Variants in C11orf65 observed in about 807,000 individuals in gnomAD.
C11orf65 encodes the protein protein MFI.
A neutral mutation model predicts 35.3 loss-of-function variants in C11orf65; 38 were observed. The ratio of observed to expected loss-of-function variants is 1.08; its 90% CI spans 0.83 to 1.41. The LOEUF is 1.41. Among genes scored for constraint, C11orf65 ranks in the 40% most tolerant of loss-of-function variants. The pLI is 0.00. For missense variants in C11orf65, 370 were observed against 367.1 expected (o/e 1.01, Z -0.06); for synonymous variants, 105 against 114.4 (o/e 0.92, Z 0.53).
intron 2 of C11orf65, among the ~76,000 whole-genome samples, chr11:108,448,104 T>A (rs1336045012): frequency 6.6e-6 from 1 of 152,182 alleles, no homozygotes; most frequent in Admixed American, 6.5e-5. Flanking sequence ...AATCTCTGAA[T>A]AGACCAATAA....
intron 1 of C11orf65, among the ~76,000 whole-genome samples, chr11:108,461,935 AT>A (rs146989132): frequency 0.012 from 1,888 of 152,236 alleles, 49 homozygotes; most frequent in African/African-American, 0.042. Flanking sequence ...ATTATTTTAT[AT>A]GCTCTATTAT....
intron 2 of C11orf65, among the ~76,000 whole-genome samples, chr11:108,377,194 C>G (rs2091752740): frequency 6.6e-6 from 1 of 151,890 alleles, no homozygotes; most frequent in Non-Finnish European, 1.5e-5. Flanking sequence ...GAATGTTAGA[C>G]CAATATCCTT....
intron 6 of C11orf65, among the ~76,000 whole-genome samples, chr11:108,400,009 TGCTGTTGGGACTGCTGG>T (rs1327529880): frequency 6.6e-6 from 1 of 152,242 alleles, no homozygotes; most frequent in East Asian, 1.9e-4. Flanking sequence ...ACATTTCTAA[TGCTGTTGGGACTGCTGG>T]GCCATAAAGC....
chr11:108,330,302 G>C (rs2136457311), downstream of C11orf65: 1 of 1,614,194 alleles, frequency 6.2e-7, no homozygotes, highest in Non-Finnish European at 8.5e-7. Flanking sequence ...CTTATGTAAA[G>C]CAGTTGAAAA....
chr11:108,445,231 CCT>C (rs1241247169), intron 2 of C11orf65, among the ~76,000 whole-genome samples: 2 of 152,148 alleles, frequency 1.3e-5, no homozygotes, highest in Non-Finnish European at 2.9e-5. Context: ...CTTACATGTC[CCT>C]GTCTGACAGC....
chr11:108,308,690 A>G (rs1189778629), exon 7 of C11orf65: 9 of 287,650 alleles, frequency 3.1e-5, no homozygotes, highest in Non-Finnish European at 5.4e-5. Flanking sequence ...GGTGGTTGGT[A>G]AAGAATGAGA....
At chr11:108,419,355 A>G (rs541280220) in intron 3 of C11orf65, among the ~76,000 whole-genome samples, 2 of 152,324 alleles carry the variant, frequency 1.3e-5, no homozygotes, top group South Asian at 4.1e-4. Context: ...TTGTATCTCA[A>G]TTAAAGCAAA....
At chr11:108,322,305 G>C (rs1186903263) in intron 6 of C11orf65, among the ~76,000 whole-genome samples, 1 of 151,860 alleles carries the variant, frequency 6.6e-6, no homozygotes, top group Non-Finnish European at 1.5e-5. Context: ...TAGGTGCCCC[G>C]ACAATGCCTG....
At chr11:108,416,194 C>A (rs557657264) in intron 3 of C11orf65, among the ~76,000 whole-genome samples, 12 of 152,260 alleles carry the variant, frequency 7.9e-5, no homozygotes, top group African/African-American at 2.4e-4. Context: ...TTGCAAAACA[C>A]ATATCTGATA....
At chr11:108,363,537 A>T (rs369062486) in intron 2 of C11orf65, among the ~76,000 whole-genome samples, 1 of 152,174 alleles carries the variant, frequency 6.6e-6, no homozygotes, top group African/African-American at 2.4e-5. Flanking sequence ...TATTGTCACA[A>T]TTGGGGATGG....
Position 108,450,549 on chromosome 11 carries a change from T to A in C11orf65, c.81+10930A>T, listed in dbSNP as rs180677419. On this transcript the variant is annotated intron_variant, in intron 2 of 8. Transcript: ENST00000393084. ...ACAAAAAACCAAACACCACATGTTG[T>A]CACTCATAGGTGGGAATTGAACAAT... Among the ~76,000 whole-genome samples the A allele has an allele frequency of 4.1e-3, 574 of 141,198 alleles. 6 individuals carry two copies. Among genetic ancestry groups the A allele is most frequent in the African/African-American group, 0.015 (540 of 37,228 alleles). 92.6% of individuals were successfully genotyped at this position (141,198 alleles called of 152,430 possible).
chr11:108,359,572 AG>A (rs1161871641), intron 2 of C11orf65, among the ~76,000 whole-genome samples: 2 of 152,198 alleles, frequency 1.3e-5, no homozygotes, highest in Non-Finnish European at 2.9e-5. Context: ...CAAATGTAAA[AG>A]AACAGAGATT....
chr11:108,342,362 T>G (rs1385978128), intron 2 of C11orf65, among the ~76,000 whole-genome samples: 1 of 152,220 alleles, frequency 6.6e-6, no homozygotes, highest in Non-Finnish European at 1.5e-5. Context: ...GAGTTAAATA[T>G]GCTCACATAG....
At chr11:108,334,014 T>A (rs755374390) in intron 3 of C11orf65, 1 of 1,444,252 alleles carries the variant, frequency 6.9e-7, no homozygotes, top group Admixed American at 1.7e-5. Context: ...AAATTTTTTT[T>A]ATTAGATTGA....
At chr11:108,427,555 T>C (rs1185244708) in intron 3 of C11orf65, among the ~76,000 whole-genome samples, 2 of 147,398 alleles carry the variant, frequency 1.4e-5, no homozygotes, top group Non-Finnish European at 3.0e-5. Context: ...CCGTCTCTAC[T>C]AAAAAAAAAT....
At chr11:108,325,923 G>C (rs1222949580) in intron 6 of C11orf65, 67 of 1,066,528 alleles carry the variant, frequency 6.3e-5, no homozygotes. Context: ...TGCAGACAGA[G>C]AGGTCCTTAA....
intron 6 of C11orf65, among the ~76,000 whole-genome samples, chr11:108,395,031 G>A (rs939908003): frequency 5.9e-5 from 9 of 152,028 alleles, no homozygotes; most frequent in Non-Finnish European, 1.0e-4. Flanking sequence ...CTGGGGAGGC[G>A]GAGGTGGGAG....
At chr11:108,337,677 T>A (rs1183535612) in intron 2 of C11orf65, among the ~76,000 whole-genome samples, 1 of 152,140 alleles carries the variant, frequency 6.6e-6, no homozygotes, top group East Asian at 1.9e-4. Flanking sequence ...AAGTTGATGA[T>A]CTATTAGCTA....
intron 2 of C11orf65, among the ~76,000 whole-genome samples, chr11:108,337,063 A>T (rs1352203673): frequency 4.6e-5 from 7 of 152,186 alleles, no homozygotes; most frequent in Non-Finnish European, 1.0e-4. Context: ...TAATGGCTAA[A>T]TTAAAAGCCC....
Sources: allele counts gnomAD v4.1 joint callset (sites outside exome capture counted in the v4.1 genomes callset), GRCh38; gene constraint gnomAD v4.1.1; transcripts MANE v1.5; gene names NCBI Gene and HGNC (gene_info 2026-07-23, HGNC 2026-07-21).